Variants in C7 observed in about 807,000 individuals in gnomAD.
The protein encoded by C7 is complement C7.
C7 carries 83 observed loss-of-function variants against 104.8 expected under a neutral mutation model. The observed-to-expected ratio is 0.79, with a 90% CI of 0.66 to 0.95. C7 has a LOEUF of 0.95. Ranked by LOEUF, C7 falls within the 40% of genes least tolerant of loss-of-function variation. C7 has a pLI of 0.00. For synonymous variants in C7, 415 were observed against 360.6 expected (o/e 1.15, Z -1.71); for missense variants, 1,070 against 1,011.2 (o/e 1.06, Z -0.79).
intron 10 of C7, among the ~76,000 whole-genome samples, chr5:40,957,695 T>TC (rs1740322028): frequency 1.3e-5 from 2 of 151,918 alleles, no homozygotes; most frequent in East Asian, 1.9e-4. Context: ...CCTCAGGTGA[T>TC]CCCCCCTGCC....
intron 1 of C7, among the ~76,000 whole-genome samples, chr5:40,911,820 C>A (rs1739214703): frequency 6.6e-6 from 1 of 151,090 alleles, no homozygotes; most frequent in South Asian, 2.1e-4. Flanking sequence ...CTCACTCCAA[C>A]TTCCGCCTCC....
At chr5:40,966,805 CCA>C (rs1282365447) in intron 14 of C7, among the ~76,000 whole-genome samples, 2 of 151,960 alleles carry the variant, frequency 1.3e-5, no homozygotes, top group South Asian at 2.1e-4. Flanking sequence ...TATATATATA[CCA>C]CAGTTTCTTT....
intron 12 of C7, among the ~76,000 whole-genome samples, chr5:40,961,342 A>G (rs1740415561): frequency 6.6e-6 from 1 of 151,836 alleles, no homozygotes; most frequent in South Asian, 2.1e-4. Context: ...GGTAGTTATA[A>G]TTTTGTGTTA....
chr5:40,952,615 G>C (rs1740195876), intron 9 of C7, among the ~76,000 whole-genome samples: 1 of 151,958 alleles, frequency 6.6e-6, no homozygotes, highest in African/African-American at 2.4e-5. Flanking sequence ...ATTTACATTA[G>C]GTATATCTCC....
chr5:40,934,575 A>G (rs1739775023), intron 4 of C7, 109 bp downstream of exon 4: 1 of 1,068,996 alleles, frequency 9.4e-7, no homozygotes, highest in African/African-American at 1.6e-5. Flanking sequence ...ATTGGCCTAA[A>G]GTTAATTCCC....
intron 9 of C7, among the ~76,000 whole-genome samples, chr5:40,952,116 A>G (rs991700388): frequency 1.3e-5 from 2 of 152,244 alleles, no homozygotes; most frequent in Non-Finnish European, 2.9e-5. Flanking sequence ...GAAGCTGCTT[A>G]CCAATTTTAT....
At chr5:40,942,732 G>C (rs1393118014) in intron 6 of C7, among the ~76,000 whole-genome samples, 1 of 151,560 alleles carries the variant, frequency 6.6e-6, no homozygotes, top group Non-Finnish European at 1.5e-5. Context: ...ATTTGTAGTG[G>C]CACCAATCCG....
chr5:40,926,825 C>A (rs1392450155), intron 1 of C7, among the ~76,000 whole-genome samples: 2 of 152,016 alleles, frequency 1.3e-5, no homozygotes, highest in East Asian at 3.8e-4. Context: ...TCCATACTAC[C>A]ACAGTGATCT....
Position 40,936,287 on chromosome 5 carries a change from T to A in C7, c.281-51T>A, listed in dbSNP as rs1391936908. On this transcript the variant is annotated intron_variant, in intron 4 of 17. Transcript: ENST00000313164. ...AAACCCTTTTTGGTCCTGGGTAGTG[T>A]TTCTCCTCTTCCCTCTTTTACATTT... is the stretch of plus-strand genomic sequence containing the variant. 3.8e-6 allele frequency: 6 copies of A among 1,592,820 alleles called. No individual in the cohort carries two copies. In the African/African-American group the frequency reaches 5.4e-5, roughly 14 times the overall value.
At chr5:40,948,391 G>A (rs1329931017) in intron 8 of C7, among the ~76,000 whole-genome samples, 1 of 151,972 alleles carries the variant, frequency 6.6e-6, no homozygotes, top group Admixed American at 6.6e-5. Flanking sequence ...CAATGAGATG[G>A]GCATTATAAT....
rs990791658 is a variant in C7 at position 40,941,586 on chromosome 5, G to A, written c.568-3612G>A. ...AGAATAGATTGGAGGGTGGCCAACT[G>A]GGGGAAAGAACCTTGGTTAGAAAAC... is the stretch of plus-strand genomic sequence containing the variant. On this transcript the variant is annotated intron_variant, in intron 6 of 17. Transcript: ENST00000313164. Among the ~76,000 whole-genome samples, 45 of 152,152 alleles carry A rather than the reference G, an allele frequency of 3.0e-4. 1 individual carries two copies. Among genetic ancestry groups the A allele is most frequent in the Non-Finnish European group, 4.4e-5 (3 of 68,022 alleles).
chr5:40,957,603 G>A (rs1369168373), intron 10 of C7, among the ~76,000 whole-genome samples: 1 of 151,942 alleles, frequency 6.6e-6, no homozygotes, highest in East Asian at 1.9e-4. Context: ...TTACAGACAT[G>A]CGCCACCACA....
Position 40,959,502 on chromosome 5 carries a change from G to A in C7, c.1543G>A (p.Gly515Arg). Residue 515 changes from glycine (G) to arginine (R), a missense_variant, in exon 12 of 18, where the codon GGG (glycine) becomes AGG (arginine). Coordinates refer to ENST00000313164, the MANE Select transcript of C7 (RefSeq NM_000587.4). Reference protein sequence around the residue: ...CWSSWSPCVQGKKTRSRECNN... With the variant: ...CWSSWSPCVQRKKTRSRECNN... ...GTCCTCTTGGAGCCCCTGTGTCCAAGGGAAGAAAACAAGAAGCCGTGAATG... is the reference window on the plus strand; with the variant it reads ...GTCCTCTTGGAGCCCCTGTGTCCAAAGGAAGAAAACAAGAAGCCGTGAATG... 1 of 1,611,558 alleles carries A rather than the reference G, an allele frequency of 6.2e-7. No homozygotes were observed. The highest frequency in any genetic ancestry group is 8.5e-7 in the Non-Finnish European group (1 of 1,179,312).
intron 1 of C7, among the ~76,000 whole-genome samples, chr5:40,917,882 C>G (rs555358331): frequency 6.6e-6 from 1 of 152,180 alleles, no homozygotes; most frequent in South Asian, 2.1e-4. Context: ...ACTAAAATAA[C>G]TTTTCAAAGG....
chr5:40,931,423 TTAAC>T (rs1739681160), intron 3 of C7, among the ~76,000 whole-genome samples: 1 of 152,202 alleles, frequency 6.6e-6, no homozygotes, highest in South Asian at 2.1e-4. Context: ...TACTAACTCT[TTAAC>T]TATGAGAGAA....
intron 14 of C7, among the ~76,000 whole-genome samples, chr5:40,965,297 C>G (rs377166209): frequency 2.0e-5 from 3 of 152,212 alleles, no homozygotes; most frequent in African/African-American, 7.2e-5. Context: ...GCTTCCATCT[C>G]TCTTGCAATA....
intron 13 of C7, among the ~76,000 whole-genome samples, chr5:40,963,113 C>T (rs750642144): frequency 3.3e-5 from 5 of 152,148 alleles, no homozygotes; most frequent in East Asian, 1.9e-4. Flanking sequence ...CAAACTCATG[C>T]ATGTTAGCAA....
At position 40,957,140 on chromosome 5, in the gene C7, T is replaced by G. The variant is rs1406692732; in HGVS notation, c.1261-893T>G. On this transcript the variant is annotated intron_variant, in intron 10 of 17. Transcript: ENST00000313164. ...TCTCTTCCCAGTTCAGGCATCATGG[T>G]GGCAGCCTGAAATTGGCTATGGTGA... 3.9e-5 allele frequency among the ~76,000 whole-genome samples: 6 copies of G among 152,304 alleles called. No individual in the cohort carries two copies. In the East Asian group the frequency reaches 1.2e-3, roughly 29 times the overall value.
chr5:40,945,066 C>T (rs1227454865), intron 6 of C7, 132 bp from the exon 7 acceptor site: 1 of 587,546 alleles, frequency 1.7e-6, no homozygotes, highest in Non-Finnish European at 3.0e-6. Context: ...CTGGCCTGGT[C>T]TTAATGAGAG....
Sources: allele counts gnomAD v4.1 joint callset (sites outside exome capture counted in the v4.1 genomes callset), GRCh38; gene constraint gnomAD v4.1.1; transcripts MANE v1.5; gene names NCBI Gene and HGNC (gene_info 2026-07-23, HGNC 2026-07-21).